Variants in CORO2B observed in about 807,000 individuals in gnomAD.
CORO2B encodes coronin-2B.
CORO2B carries 26 observed loss-of-function variants against 58.8 expected under a neutral mutation model. The ratio of observed to expected loss-of-function variants is 0.44; its 90% CI spans 0.32 to 0.61. CORO2B has a LOEUF of 0.61. Among genes scored for constraint, CORO2B ranks in the 20% least tolerant of loss-of-function variants. CORO2B has a pLI of 0.04. For missense variants in CORO2B, 460 were observed against 645.1 expected (o/e 0.71, Z 3.11); for synonymous variants, 242 against 253.8 (o/e 0.95, Z 0.44).
chr15:68,599,295 CTT>C (rs1899915693), intron 1 of CORO2B, among the ~76,000 whole-genome samples: 1 of 152,234 alleles, frequency 6.6e-6, no homozygotes, highest in African/African-American at 2.4e-5. Flanking sequence ...CTGAACATGT[CTT>C]GTCTCTCCTG....
chr15:68,708,934 G>A (rs1892847661), intron 3 of CORO2B, among the ~76,000 whole-genome samples: 1 of 152,190 alleles, frequency 6.6e-6, no homozygotes, highest in African/African-American at 2.4e-5. Flanking sequence ...TCCTGCCTTG[G>A]CTTCCCAAAA....
At chr15:68,551,944 G>T in the CORO2B span, among the ~76,000 whole-genome samples, 6 of 152,064 alleles carry the variant, frequency 3.9e-5, no homozygotes, top group African/African-American at 1.4e-4. Context: ...ACCCAGACAT[G>T]GCAGCAAGGA....
intron 11 of CORO2B, among the ~76,000 whole-genome samples, chr15:68,722,755 T>G (rs1162224698): frequency 2.6e-5 from 4 of 152,200 alleles, no homozygotes; most frequent in Admixed American, 6.5e-5. Context: ...TTAAGTTATA[T>G]TTTTTTAAGT....
At chr15:68,651,636 A>C (rs1901645719) in intron 2 of CORO2B, among the ~76,000 whole-genome samples, 1 of 152,134 alleles carries the variant, frequency 6.6e-6, no homozygotes, top group Non-Finnish European at 1.5e-5. Flanking sequence ...TTTTGTCTTG[A>C]GCAAACAGCA....
intron 1 of CORO2B, among the ~76,000 whole-genome samples, chr15:68,621,323 C>G (rs191465288): frequency 6.6e-6 from 1 of 152,232 alleles, no homozygotes; most frequent in African/African-American, 2.4e-5. Flanking sequence ...TGGAGAACAA[C>G]GCAGTGCGTG....
intron 1 of CORO2B, among the ~76,000 whole-genome samples, chr15:68,612,049 G>T (rs545364675): frequency 1.3e-5 from 2 of 152,290 alleles, no homozygotes; most frequent in African/African-American, 4.8e-5. Context: ...GAGGCTATAG[G>T]CAGGAGCCAC....
chr15:68,624,152 G>A (rs963890196), intron 1 of CORO2B, among the ~76,000 whole-genome samples: 1 of 152,184 alleles, frequency 6.6e-6, no homozygotes, highest in African/African-American at 2.4e-5. Context: ...CCCAGCTTAA[G>A]TCAGGTAATC....
At chr15:68,664,078 C>T (rs1220257288) in intron 2 of CORO2B, among the ~76,000 whole-genome samples, 1 of 152,230 alleles carries the variant, frequency 6.6e-6, no homozygotes, top group East Asian at 1.9e-4. Flanking sequence ...TACAGTGTTA[C>T]AGCCACTTTG....
intron 2 of CORO2B, among the ~76,000 whole-genome samples, chr15:68,670,202 T>G (rs1009004014): frequency 6.6e-6 from 1 of 152,172 alleles, no homozygotes; most frequent in African/African-American, 2.4e-5. Context: ...TGAGACAGGA[T>G]CTGGCTTTGT....
intron 1 of CORO2B, among the ~76,000 whole-genome samples, chr15:68,632,768 T>C (rs1179550105): frequency 6.6e-6 from 1 of 152,076 alleles, no homozygotes; most frequent in East Asian, 1.9e-4. Flanking sequence ...TTTTTTGTAT[T>C]TTTAGTAGAG....
At chr15:68,667,814 G>A (rs552542482) in intron 2 of CORO2B, among the ~76,000 whole-genome samples, 1 of 152,198 alleles carries the variant, frequency 6.6e-6, no homozygotes, top group Admixed American at 6.5e-5. Flanking sequence ...AGAGACTTCA[G>A]ACCAGTTACT....
At chr15:68,576,168 A>AG (rs1595947047), upstream of CORO2B, among the ~76,000 whole-genome samples, 6 of 148,540 alleles carry the variant, frequency 4.0e-5, no homozygotes, top group East Asian at 1.2e-3. Flanking sequence ...AAAAAAAAAA[A>AG]AAAAAAAAGA....
intron 2 of CORO2B, among the ~76,000 whole-genome samples, chr15:68,690,646 C>CTTT (rs765999578): frequency 1.4e-3 from 143 of 102,842 alleles, no homozygotes; most frequent in Middle Eastern, 5.2e-3. Context: ...CGTTAGCTTT[C>CTTT]TTTTTTTTTT....
chr15:68,648,797 TG>T (rs1393877227), intron 2 of CORO2B, among the ~76,000 whole-genome samples: 1 of 152,206 alleles, frequency 6.6e-6, no homozygotes, highest in African/African-American at 2.4e-5. Context: ...GCCAAAGGTG[TG>T]AGAGAGCAGG....
the CORO2B span, among the ~76,000 whole-genome samples, chr15:68,559,049 G>T: frequency 6.6e-6 from 1 of 152,206 alleles, no homozygotes; most frequent in African/African-American, 2.4e-5. The surrounding 1 kb of genome is among the most constrained non-coding windows in gnomAD (Gnocchi z 4.3). Context: ...CCTACCACGC[G>T]CTAGGCGCCG....
intron 1 of CORO2B, among the ~76,000 whole-genome samples, chr15:68,603,033 G>A (rs1351580625): frequency 6.6e-6 from 1 of 152,144 alleles, no homozygotes; most frequent in Non-Finnish European, 1.5e-5. Flanking sequence ...GTGTCAAAGA[G>A]CCCCCTGCTC....
At chr15:68,549,906 G>A in the CORO2B span, among the ~76,000 whole-genome samples, 3 of 151,656 alleles carry the variant, frequency 2.0e-5, no homozygotes, top group South Asian at 2.1e-4. Flanking sequence ...GTGCCACTGC[G>A]CTCCAGCCTG....
chr15:68,651,384 TGGA>T (rs1308605215), intron 2 of CORO2B, among the ~76,000 whole-genome samples: 2 of 152,166 alleles, frequency 1.3e-5, no homozygotes, highest in Non-Finnish European at 2.9e-5. Context: ...CTGGCAGCGG[TGGA>T]GATGTTGTTC....
chr15:68,560,452 G>A, the CORO2B span, among the ~76,000 whole-genome samples: 7 of 151,946 alleles, frequency 4.6e-5, no homozygotes, highest in African/African-American at 1.7e-4. Flanking sequence ...ATGCCACCAT[G>A]CCCAGCTAAT....
Sources: allele counts gnomAD v4.1 joint callset (sites outside exome capture counted in the v4.1 genomes callset), GRCh38; gene constraint gnomAD v4.1.1; non-coding constraint Gnocchi (gnomAD v3.1); transcripts MANE v1.5; gene names NCBI Gene and HGNC (gene_info 2026-07-23, HGNC 2026-07-21).